Variants in LIN54 observed in about 807,000 individuals in gnomAD.
The protein encoded by LIN54 is protein lin-54 homolog.
LIN54 carries 9 observed loss-of-function variants against 78.7 expected under a neutral mutation model. The observed-to-expected ratio is 0.11, with a 90% confidence interval of 0.07 to 0.20. The LOEUF (loss-of-function observed/expected upper bound fraction) is 0.20. Ranked by LOEUF, LIN54 falls within the 10% of genes least tolerant of loss-of-function variation. The probability of loss-of-function intolerance (pLI) is 1.00; values close to 1 mark genes in which losing one functional copy is unlikely to be tolerated. For synonymous variants in LIN54, 269 were observed against 318.4 expected (o/e 0.84, Z 1.65); for missense variants, 573 against 889.9 (o/e 0.64, Z 4.53).
chr4:82,928,223 T>G lies in LIN54; in HGVS notation c.2129A>C (p.Lys710Thr). 1 of 1,614,258 alleles carries G rather than the reference T, an allele frequency of 6.2e-7. No homozygotes were observed. The highest frequency in any genetic ancestry group is 8.5e-7 in the Non-Finnish European group (1 of 1,180,040). ...CLLAQAEQADKKGKSKAAAER... is the reference protein window; with the variant it reads ...CLLAQAEQADTKGKSKAAAER... The stretch of plus-strand genomic sequence containing the variant: ...CGCTGCTGCCTTTGATTTTCCCTTC[T>G]TGTCTGCCTGCTCTGCCTGGGCAAG... Residue 710 changes from lysine (K) to threonine (T), a missense_variant, in exon 13 of 13, where the codon AAG becomes ACG. By Grantham distance (78) the Lys-to-Thr change is moderately conservative (BLOSUM62 -1). Coordinates refer to ENST00000340417, the MANE Select transcript of LIN54 (RefSeq NM_194282.4).
rs1252345825 is a variant in LIN54 at position 82,939,918 on chromosome 4, G to C, written c.1213C>G (p.Pro405Ala). The change falls in exon 6 of 13, where the codon CCA (proline) becomes GCA (alanine). Residue 405 changes from proline (P) to alanine (A), a missense_variant. Physicochemically the swap from Pro to Ala is conservative, Grantham distance 27 (BLOSUM62 -1). Around this residue, in one of 6 missense-constraint regions of LIN54, gnomAD observed 199 missense variants for 260.9 expected, o/e 0.76. Transcript: ENST00000340417. ...TTGACAGCCTGAGCTGAGACAATTG[G>C]AACTGACATCCGCACTGGGGTTGTA... ...VNTTPVRMSVPIVSAQAVKQV... is the reference protein window; with the variant it reads ...VNTTPVRMSVAIVSAQAVKQV... The C allele has an allele frequency of 1.9e-6, 3 of 1,612,428 alleles. No individual in the cohort carries two copies.
rs1393579816 is a variant in LIN54 at position 83,010,668 on chromosome 4, G to GGGTGGC, written c.-223_-218dup. 2.2e-5 allele frequency: 27 copies of GGGTGGC among 1,231,468 alleles called. No homozygotes were observed. The highest frequency in any genetic ancestry group is 3.1e-5 in the African/African-American group (2 of 64,370). The allele number at this position is 1,231,468 out of a possible 1,614,324, so 76.3% of individuals were successfully genotyped here. ...TACCCGGGGACCGAGAAGGGAGCCG[G>GGGTGGC]GGTGGCGACGTCGCCGTCGCCGCCG... On this transcript the variant is annotated 5_prime_UTR_variant, in exon 1 of 13. Transcript: ENST00000340417.
At chr4:82,932,286 CG>C (rs1467768080) in intron 11 of LIN54, among the ~76,000 whole-genome samples, 2 of 150,438 alleles carry the variant, frequency 1.3e-5, no homozygotes, top group African/African-American at 4.9e-5. Flanking sequence ...TTAGTAGAGA[CG>C]GGGTTTCACC....
At chr4:82,993,448 C>A (rs1727915743) in intron 1 of LIN54, among the ~76,000 whole-genome samples, 1 of 151,830 alleles carries the variant, frequency 6.6e-6, no homozygotes, top group Non-Finnish European at 1.5e-5. Context: ...AAACTCCAGA[C>A]CTCAGGTGAT....
rs950484005 is a variant in LIN54 at position 82,924,868 on chromosome 4, G to A, written c.*3234C>T. The stretch of plus-strand genomic sequence containing the variant: ...ATAAAATGCTTAAGAGATACAACAT[G>A]ATCAAAGTTATGGCCGGAGGTCCTG... On this transcript the variant is annotated 3_prime_UTR_variant, in exon 13 of 13. Coordinates refer to ENST00000340417, the MANE Select transcript of LIN54 (RefSeq NM_194282.4). 6.6e-6 allele frequency: 1 copy of A among 152,610 alleles called. No individual in the cohort carries two copies. The highest frequency in any genetic ancestry group is 1.5e-5 in the Non-Finnish European group (1 of 68,024). 9.5% of individuals were successfully genotyped at this position (152,610 alleles called of 1,614,324 possible).
intron 1 of LIN54, among the ~76,000 whole-genome samples, chr4:83,002,458 A>T (rs1728944522): frequency 7.7e-6 from 1 of 129,524 alleles, no homozygotes; most frequent in Admixed American, 8.3e-5. Flanking sequence ...GGAGGGAAGG[A>T]GGAAGGAGGG....
chr4:83,006,525 T>C (rs1202536789), intron 1 of LIN54, among the ~76,000 whole-genome samples: 2 of 150,276 alleles, frequency 1.3e-5, no homozygotes, highest in South Asian at 2.1e-4. Context: ...GGACCATTCA[T>C]ACTCCAAACC....
intron 4 of LIN54, among the ~76,000 whole-genome samples, chr4:82,965,703 G>T (rs1475891591): frequency 6.6e-6 from 1 of 152,196 alleles, no homozygotes; most frequent in Non-Finnish European, 1.5e-5. Flanking sequence ...TCAGAAGATA[G>T]CAAGAGCTTT....
chr4:82,973,963 C>G (rs954045829), intron 3 of LIN54, among the ~76,000 whole-genome samples: 1 of 152,146 alleles, frequency 6.6e-6, no homozygotes, highest in African/African-American at 2.4e-5. Context: ...GTAATCCCAG[C>G]ACTTTGGGAG....
In LIN54 at chr4:82,984,668, C is replaced by T. The variant is rs1171797546; in HGVS notation, c.177G>A (p.Thr59=). The T allele has an allele frequency of 9.3e-6, 15 of 1,613,980 alleles. No individual in the cohort carries two copies. Among genetic ancestry groups the T allele is most frequent in the East Asian group, 4.5e-5 (2 of 44,896 alleles). ...CTGTGATTGGTTCCGTGGAAATGGG[C>T]GTGGCTGTAGAGTCACCAGTAGAAT... The part of the protein sequence containing the change: ...NINSTGDSTA[T]PISTEPITVY... Residue 59 remains threonine, a synonymous_variant, in exon 2 of 13, where the codon ACG becomes ACA. Transcript: ENST00000340417.
chr4:82,986,309 G>T (rs62311669), intron 1 of LIN54, among the ~76,000 whole-genome samples: 69,279 of 151,748 alleles, frequency 0.46, 17,738 homozygotes, highest in Admixed American at 0.59. Flanking sequence ...TAGAGACAAG[G>T]TTTCTCCATG....
intron 1 of LIN54, among the ~76,000 whole-genome samples, chr4:82,994,876 T>C (rs781737335): frequency 1.3e-5 from 2 of 152,066 alleles, no homozygotes; most frequent in African/African-American, 4.8e-5. Context: ...TTTTGCTTCA[T>C]ATATTTTGAA....
At chr4:82,972,685 A>C (rs1261344470) in intron 3 of LIN54, among the ~76,000 whole-genome samples, 1 of 152,248 alleles carries the variant, frequency 6.6e-6, no homozygotes, top group Non-Finnish European at 1.5e-5. Context: ...ATATCTTTCA[A>C]ATAATATTCA....
chr4:82,999,777 C>CAAAAAAAAA (rs1295987591), intron 1 of LIN54, among the ~76,000 whole-genome samples: 1 of 92,236 alleles, frequency 1.1e-5, no homozygotes, highest in African/African-American at 4.5e-5. Context: ...GACTCTGTCT[C>CAAAAAAAAA]AAAAAAAAAA....
chr4:83,011,941 G>T, upstream of LIN54: 1 of 717,184 alleles, frequency 1.4e-6, no homozygotes, highest in Non-Finnish European at 1.7e-6. Flanking sequence ...GCTGCGAACA[G>T]GGCCACTCTA....
intron 5 of LIN54, 138 bp from the exon 6 acceptor site, chr4:82,940,100 C>CTAA (rs1188006278): frequency 1.7e-5 from 11 of 662,696 alleles, no homozygotes; most frequent in Non-Finnish European, 2.5e-5. Flanking sequence ...TTTGAGCAAT[C>CTAA]TTTAATCAGG....
chr4:82,941,220 A>G (rs763768154), intron 5 of LIN54, among the ~76,000 whole-genome samples: 4 of 150,532 alleles, frequency 2.7e-5, no homozygotes, highest in Non-Finnish European at 5.9e-5. Flanking sequence ...CGGAGGACAC[A>G]GTATTGAGAT....
chr4:82,939,354 A>T (rs1722647835), intron 7 of LIN54, among the ~76,000 whole-genome samples, 185 bp downstream of exon 7: 1 of 152,216 alleles, frequency 6.6e-6, no homozygotes, highest in Non-Finnish European at 1.5e-5. Context: ...GACCTGTGTT[A>T]TATATTTCTA....
chr4:82,986,480 C>T, intron 1 of LIN54, among the ~76,000 whole-genome samples: 1 of 151,896 alleles, frequency 6.6e-6, no homozygotes. Flanking sequence ...ACGAGGTAGG[C>T]AGATCACAAG....
Sources: gnomAD v4.1 joint callset for allele counts (sites outside exome capture counted in the v4.1 genomes callset) on GRCh38, gnomAD v4.1.1 for gene constraint, gnomAD v4.1.1 regional missense constraint, MANE v1.5 for transcripts, NCBI Gene and HGNC (gene_info 2026-07-23, HGNC 2026-07-21) for gene names.